Variants in MYRIP observed in about 807,000 individuals in gnomAD.
MYRIP encodes the protein myosin VIIA and Rab interacting protein, also known as rab effector MyRIP.
MYRIP carries 49 observed loss-of-function variants against 98.0 expected under a neutral mutation model. The ratio of observed to expected loss-of-function variants is 0.50; its 90% confidence interval spans 0.40 to 0.63. The LOEUF is 0.63. Among genes scored for constraint, MYRIP ranks in the 30% least tolerant of loss-of-function variants. The pLI is 0.00. For missense variants in MYRIP, 1,004 were observed against 1,058.2 expected, an observed-to-expected ratio of 0.95 and a Z score of 0.71; for synonymous variants, 404 against 409.5, an observed-to-expected ratio of 0.99 and a Z score of 0.16.
Position 40,258,036 on chromosome 3 carries a change from T to C in MYRIP, c.2548-98T>C, listed in dbSNP as rs976252042. 1.1e-5 allele frequency: 15 copies of C among 1,306,214 alleles called. No homozygotes were observed. The Admixed American group carries it at 2.0e-4, about 18-fold the overall frequency. 80.9% of individuals were successfully genotyped at this position (1,306,214 alleles called of 1,614,324 possible). ...CATCTAACTGGTCAAAAAGCATGAA[T>C]AGCTTTTGATATTAAAAAGCAGTAA... On this transcript the variant is annotated intron_variant, in intron 16 of 16. Coordinates refer to ENST00000302541, the MANE Select transcript of MYRIP (RefSeq NM_015460.4).
Position 39,964,743 on chromosome 3 carries a change from T to C in MYRIP, c.110+63817T>C, listed in dbSNP as rs544076529. 4.6e-5 allele frequency among the ~76,000 whole-genome samples: 7 copies of C among 152,310 alleles called. No individual in the cohort carries two copies. In the East Asian group the frequency reaches 1.2e-3, roughly 25 times the overall value. ...ACCTTTGAAGAAGAACTTGGAATTA[T>C]ATACTGCTTTGAAGCATACTGCAGT... On this transcript the variant is annotated intron_variant, in intron 2 of 16. Coordinates refer to ENST00000302541, the MANE Select transcript of MYRIP (RefSeq NM_015460.4).
intron 8 of MYRIP, among the ~76,000 whole-genome samples, chr3:40,178,266 A>C (rs1950811929): frequency 6.6e-6 from 1 of 152,230 alleles, no homozygotes; most frequent in African/African-American, 2.4e-5. Context: ...AGTAGAACAC[A>C]TTGCTGCTGC....
At position 40,113,856 on chromosome 3, in the gene MYRIP, A is replaced by AT. The variant is rs756773833; in HGVS notation, c.333-37186dup. Among the ~76,000 whole-genome samples the AT allele has an allele frequency of 7.2e-5, 11 of 151,914 alleles. No homozygotes were observed. In the East Asian group the frequency reaches 9.8e-4, roughly 13 times the overall value. On this transcript the variant is annotated intron_variant, in intron 3 of 16. Coordinates refer to ENST00000302541, the MANE Select transcript of MYRIP (RefSeq NM_015460.4). ...AGGCGCCCACCACCACGCCCAGCTA[A>AT]TTTTTTGTATTTTTAGTAGAGACAG...
At chr3:40,226,565 G>A (rs1358537281) in intron 11 of MYRIP, among the ~76,000 whole-genome samples, 1 of 152,118 alleles carries the variant, frequency 6.6e-6, no homozygotes, top group East Asian at 1.9e-4. Flanking sequence ...TGAAGCACAG[G>A]TCTCTCCTGC....
chr3:39,882,858 GC>G (rs886862132), intron 1 of MYRIP, among the ~76,000 whole-genome samples: 34 of 151,784 alleles, frequency 2.2e-4, no homozygotes, highest in African/African-American at 7.7e-4. Context: ...CACTGCACCT[GC>G]CCCCCCTCCG....
chr3:39,932,618 A>G (rs531279005), intron 2 of MYRIP, among the ~76,000 whole-genome samples: 4 of 151,934 alleles, frequency 2.6e-5, no homozygotes, highest in African/African-American at 7.3e-5. Context: ...ATCTCCTGAC[A>G]TCGTGATCTA....
At chr3:40,009,202 G>A (rs1447377554) in intron 2 of MYRIP, among the ~76,000 whole-genome samples, 1 of 151,996 alleles carries the variant, frequency 6.6e-6, no homozygotes, top group South Asian at 2.1e-4. Context: ...TCCTAGGCAC[G>A]GTCACCACAG....
chr3:40,047,483 G>T (rs184140879), intron 3 of MYRIP, among the ~76,000 whole-genome samples: 68 of 152,316 alleles, frequency 4.5e-4, no homozygotes, highest in Admixed American at 5.9e-4. Context: ...CATTCAATGT[G>T]TCTAGCTCAA....
At chr3:39,924,118 A>G (rs1944362064) in intron 2 of MYRIP, among the ~76,000 whole-genome samples, 1 of 152,128 alleles carries the variant, frequency 6.6e-6, no homozygotes, top group Non-Finnish European at 1.5e-5. Flanking sequence ...AAAATTTCAT[A>G]TTTAAGCCCT....
chr3:39,926,538 A>T (rs938816104), intron 2 of MYRIP, among the ~76,000 whole-genome samples: 3 of 152,198 alleles, frequency 2.0e-5, no homozygotes, highest in Middle Eastern at 3.4e-3. Flanking sequence ...GTCCAGTTTC[A>T]TTCTTCTGCT....
chr3:40,200,131 T>TTTTTTTTTTTTTTTTTTG (rs1553626079), intron 10 of MYRIP, among the ~76,000 whole-genome samples: 2 of 149,660 alleles, frequency 1.3e-5, no homozygotes, highest in African/African-American at 4.9e-5. Context: ...ATTTTCTTTT[T>TTTTTTTTTTTTTTTTTTG]ATCATAGGCC....
chr3:39,890,170 G>GT (rs1229219173), intron 1 of MYRIP, among the ~76,000 whole-genome samples: 1 of 150,580 alleles, frequency 6.6e-6, no homozygotes, highest in South Asian at 2.1e-4. Flanking sequence ...TTTTAAACTC[G>GT]TTTTTTTTCC....
intron 2 of MYRIP, among the ~76,000 whole-genome samples, chr3:39,945,808 A>G (rs1944888074): frequency 6.6e-6 from 1 of 152,300 alleles, no homozygotes; most frequent in African/African-American, 2.4e-5. Flanking sequence ...TGATTGTACA[A>G]CTTAATATGA....
At chr3:39,954,270 A>G (rs11919043) in intron 2 of MYRIP, among the ~76,000 whole-genome samples, 44,983 of 151,990 alleles carry the variant, frequency 0.3, 6,839 homozygotes, top group Middle Eastern at 0.37. Flanking sequence ...AGTAGGGGCC[A>G]ATTGACACCT....
chr3:40,202,355 T>C (rs776225397), intron 10 of MYRIP, among the ~76,000 whole-genome samples: 3 of 152,126 alleles, frequency 2.0e-5, no homozygotes, highest in Non-Finnish European at 2.9e-5. Flanking sequence ...AGACTGGGGT[T>C]GCTTTTATAA....
intron 4 of MYRIP, among the ~76,000 whole-genome samples, chr3:40,151,710 C>T (rs1236866040): frequency 6.6e-6 from 1 of 152,156 alleles, no homozygotes; most frequent in African/African-American, 2.4e-5. Flanking sequence ...GTTAAGATAA[C>T]CAAGCTACTT....
chr3:40,013,151 T>A (rs1452519385), intron 2 of MYRIP, among the ~76,000 whole-genome samples: 2 of 152,176 alleles, frequency 1.3e-5, no homozygotes, highest in South Asian at 4.1e-4. Context: ...TCCTCACACC[T>A]TTCTCTATTG....
chr3:40,111,473 G>A (rs1949156285), intron 3 of MYRIP, among the ~76,000 whole-genome samples: 1 of 152,098 alleles, frequency 6.6e-6, no homozygotes, highest in Non-Finnish European at 1.5e-5. Context: ...AGGAAAACAA[G>A]ATTAAATACC....
intron 3 of MYRIP, among the ~76,000 whole-genome samples, chr3:40,078,254 T>C (rs1279270544): frequency 1.3e-5 from 2 of 152,138 alleles, no homozygotes; most frequent in Admixed American, 6.5e-5. Flanking sequence ...CACCCGGAAC[T>C]CCAGCTGGCC....
Sources: allele counts gnomAD v4.1 joint callset (sites outside exome capture counted in the v4.1 genomes callset), GRCh38; gene constraint gnomAD v4.1.1; transcripts MANE v1.5; gene names NCBI Gene and HGNC (gene_info 2026-07-23, HGNC 2026-07-21).